The following APBB2 variants were observed in gnomAD, a reference collection of about 807,000 sequenced individuals.
The protein encoded by APBB2 is Fe65-like 1.
APBB2 carries 38 observed loss-of-function variants against 82.5 expected under a neutral mutation model. That is an observed-to-expected ratio of 0.46 (90% confidence interval 0.36 to 0.60). The LOEUF is 0.60. Among genes scored for constraint, APBB2 ranks in the 20% least tolerant of loss-of-function variants. The probability of loss-of-function intolerance (pLI) is 0.00; values close to 1 mark genes in which losing one functional copy is unlikely to be tolerated. For missense variants in APBB2, 772 were observed against 972.3 expected (o/e 0.79, Z 2.74); for synonymous variants, 341 against 368.2 (o/e 0.93, Z 0.85).
At chr4:41,006,143 A>G (rs968752060) in intron 6 of APBB2, among the ~76,000 whole-genome samples, 1 of 152,238 alleles carries the variant, frequency 6.6e-6, no homozygotes, top group Non-Finnish European at 1.5e-5. Context: ...AGAACTTTCC[A>G]AAAACACAAA....
At chr4:40,895,217 C>T (rs921503885) in intron 10 of APBB2, among the ~76,000 whole-genome samples, 7 of 152,124 alleles carry the variant, frequency 4.6e-5, no homozygotes, top group African/African-American at 1.7e-4. Flanking sequence ...AAAGACAAAA[C>T]AGCCCGTTTA....
At chr4:41,082,375 CT>C (rs1259817845) in intron 3 of APBB2, among the ~76,000 whole-genome samples, 1 of 152,130 alleles carries the variant, frequency 6.6e-6, no homozygotes, top group African/African-American at 2.4e-5. Flanking sequence ...TCCTATTTAA[CT>C]TTGATTCCTT....
In APBB2 at chr4:40,812,082, G is replaced by C. The variant is rs949763609; in HGVS notation, c.*4010C>G. On this transcript the variant is annotated 3_prime_UTR_variant, in exon 18 of 18. Coordinates refer to ENST00000508593, the MANE Select transcript of APBB2 (RefSeq NM_004307.2). The stretch of plus-strand genomic sequence containing the variant: ...GTCCGGAAGGCCAGCTGGCCTTCCT[G>C]ATCACCAAATAAGTACAGGGTGATT... 2 of 152,178 alleles carry C rather than the reference G, an allele frequency of 1.3e-5. No individual in the cohort carries two copies. Among genetic ancestry groups the C allele is most frequent in the African/African-American group, 4.8e-5 (2 of 41,432 alleles). The allele number at this position is 152,178 out of a possible 1,614,324, so 9.4% of individuals were successfully genotyped here.
chr4:41,002,356 G>GTCA (rs1351617809), intron 6 of APBB2, among the ~76,000 whole-genome samples: 1 of 152,212 alleles, frequency 6.6e-6, no homozygotes, highest in African/African-American at 2.4e-5. Flanking sequence ...AACAGTTCAT[G>GTCA]TCACACTTTG....
chr4:41,055,236 C>T (rs1404427010), intron 4 of APBB2, among the ~76,000 whole-genome samples: 1 of 152,218 alleles, frequency 6.6e-6, no homozygotes, highest in Non-Finnish European at 1.5e-5. Context: ...GGTCACCCAA[C>T]ATCATGTGGG....
At chr4:40,838,118 A>T (rs1754579395) in intron 12 of APBB2, among the ~76,000 whole-genome samples, 1 of 149,700 alleles carries the variant, frequency 6.7e-6, no homozygotes. Context: ...TGAATAAATG[A>T]TTCTTTATTC....
intron 10 of APBB2, among the ~76,000 whole-genome samples, chr4:40,928,315 G>A (rs1783152027): frequency 6.6e-6 from 1 of 151,902 alleles, no homozygotes; most frequent in South Asian, 2.1e-4. Context: ...GGCCGAGGCA[G>A]TGGGATCGCC....
chr4:41,054,500 T>C (rs1241506338), intron 4 of APBB2, among the ~76,000 whole-genome samples: 1 of 152,106 alleles, frequency 6.6e-6, no homozygotes, highest in Admixed American at 6.5e-5. Flanking sequence ...GAGTGGGCAA[T>C]TAATTGTGTC....
chr4:41,033,646 A>T (rs1252974236), intron 4 of APBB2, among the ~76,000 whole-genome samples: 1 of 151,816 alleles, frequency 6.6e-6, no homozygotes, highest in Non-Finnish European at 1.5e-5. Context: ...ACAGAAAAAA[A>T]AAAATTGGTA....
At chr4:41,057,669 A>T (rs1428146046) in intron 4 of APBB2, among the ~76,000 whole-genome samples, 7 of 152,168 alleles carry the variant, frequency 4.6e-5, no homozygotes, top group Admixed American at 3.3e-4. Flanking sequence ...AGGTCAGCAG[A>T]GTTCACTTCT....
rs1009147775 is a variant in APBB2 at position 41,127,853 on chromosome 4, G to A, written c.-261+15134C>T. Among the ~76,000 whole-genome samples, 10 of 152,074 alleles carry A rather than the reference G, an allele frequency of 6.6e-5. No homozygotes were observed. Among genetic ancestry groups the A allele is most frequent in the Non-Finnish European group, 1.0e-4 (7 of 68,006 alleles). ...CCAGCACTTTGGGAGGCGGAGGCGGGTGGATTACCTGAGGTCAGGAGTTCG... is the reference window on the plus strand; with the variant it reads ...CCAGCACTTTGGGAGGCGGAGGCGGATGGATTACCTGAGGTCAGGAGTTCG... On this transcript the variant is annotated intron_variant, in intron 2 of 17. Coordinates refer to ENST00000508593, the MANE Select transcript of APBB2 (RefSeq NM_004307.2). The surrounding 1 kb of genome is among the most constrained non-coding windows in gnomAD (Gnocchi z 4.8).
In APBB2 at chr4:40,822,026, A is replaced by T; in HGVS notation, c.1957T>A (p.Cys653Ser). The T allele has an allele frequency of 1.2e-6, 2 of 1,614,190 alleles. No homozygotes were observed. The highest frequency in any genetic ancestry group is 1.7e-6 in the Non-Finnish European group (2 of 1,180,038). The part of the protein sequence containing the change: ...EKNEEEVLVE[C>S]RVRFLSFMGV... ...ATGAAGGACAGGAATCGCACACGACATTCCACTAAGACTTCCTCTTCATTC... is the reference window on the plus strand; with the variant it reads ...ATGAAGGACAGGAATCGCACACGACTTTCCACTAAGACTTCCTCTTCATTC... The change falls in exon 17 of 18, where the codon TGT becomes AGT. Residue 653 changes from cysteine to serine, a missense_variant. Cys to Ser is a moderately radical substitution (Grantham distance 112). Coordinates refer to ENST00000508593, the MANE Select transcript of APBB2 (RefSeq NM_004307.2).
At chr4:41,116,845 T>C (rs1465732983) in intron 2 of APBB2, among the ~76,000 whole-genome samples, 4 of 152,138 alleles carry the variant, frequency 2.6e-5, no homozygotes, top group South Asian at 2.1e-4. Context: ...GCCTTACACC[T>C]TTCTCTCTCT....
At chr4:40,913,169 A>C (rs1477231337) in intron 10 of APBB2, among the ~76,000 whole-genome samples, 1 of 152,098 alleles carries the variant, frequency 6.6e-6, no homozygotes, top group Non-Finnish European at 1.5e-5. Flanking sequence ...AGGAGCAGAG[A>C]CAGCCTGCAG....
At chr4:40,989,828 C>G (rs1277213696) in intron 6 of APBB2, among the ~76,000 whole-genome samples, 1 of 152,176 alleles carries the variant, frequency 6.6e-6, no homozygotes, top group Non-Finnish European at 1.5e-5. Flanking sequence ...TATTGCAAAC[C>G]AGACTTCCTA....
chr4:41,067,714 A>C (rs1732440539), intron 3 of APBB2, among the ~76,000 whole-genome samples: 1 of 152,182 alleles, frequency 6.6e-6, no homozygotes, highest in Non-Finnish European at 1.5e-5. Flanking sequence ...ACGGGATAGA[A>C]AGAGATGAAT....
chr4:40,894,085 G>A (rs1460443586), intron 10 of APBB2, among the ~76,000 whole-genome samples: 1 of 151,970 alleles, frequency 6.6e-6, no homozygotes, highest in East Asian at 1.9e-4. Flanking sequence ...TCAGGAGATC[G>A]AGACCATCCC....
chr4:40,961,819 T>C (rs1793389683), intron 6 of APBB2, among the ~76,000 whole-genome samples: 1 of 152,102 alleles, frequency 6.6e-6, no homozygotes, highest in South Asian at 2.1e-4. Flanking sequence ...TCCAAGCATC[T>C]TAACCTCATT....
At chr4:41,052,613 C>T (rs891859967) in intron 4 of APBB2, among the ~76,000 whole-genome samples, 3 of 152,112 alleles carry the variant, frequency 2.0e-5, no homozygotes, top group African/African-American at 7.2e-5. Context: ...TTCCTACCTG[C>T]CCAAGGGCTA....
Sources: gnomAD v4.1 joint callset for allele counts (sites outside exome capture counted in the v4.1 genomes callset) on GRCh38, gnomAD v4.1.1 for gene constraint, Gnocchi (gnomAD v3.1) non-coding constraint, MANE v1.5 for transcripts, NCBI Gene and HGNC (gene_info 2026-07-23, HGNC 2026-07-21) for gene names.